INVS: variants seen among roughly 807,000 people sequenced by gnomAD.
INVS encodes inversion of embryo turning homolog.
Under a neutral mutation model 108.8 loss-of-function variants are expected in INVS, and 86 were observed. The observed-to-expected ratio is 0.79, with a 90% CI of 0.66 to 0.95. INVS has a LOEUF of 0.95. INVS is among the 40% of genes least tolerant of loss of function. The pLI is 0.00. For missense variants in INVS, 1,169 were observed against 1,297.4 expected (o/e 0.90, Z 1.52); for synonymous variants, 455 against 473.5 (o/e 0.96, Z 0.51).
chr9:100,135,859 GA>G (rs1828206607), intron 3 of INVS, among the ~76,000 whole-genome samples: 1 of 152,010 alleles, frequency 6.6e-6, no homozygotes, highest in Non-Finnish European at 1.5e-5. Context: ...TAGATGGGAA[GA>G]GGACTAGAAA....
rs983660739 is a variant in INVS, at chr9:100,149,653, A to T, written c.273+23104A>T. ...CCAATCAAAACGAGTTGAAATAAAAACCTGTCTGTCCTTTAACACTTTGAT... is the reference window on the plus strand; with the variant it reads ...CCAATCAAAACGAGTTGAAATAAAATCCTGTCTGTCCTTTAACACTTTGAT... On this transcript the variant is annotated intron_variant, in intron 3 of 16. Coordinates refer to ENST00000262457, the MANE Select transcript of INVS (RefSeq NM_014425.5). Among the ~76,000 whole-genome samples the T allele has an allele frequency of 4.6e-5, 7 of 152,340 alleles. No homozygotes were observed. In the East Asian group the frequency reaches 1.2e-3, roughly 25 times the overall value.
At chr9:100,186,300 C>G (rs1342292929) in intron 3 of INVS, among the ~76,000 whole-genome samples, 6 of 152,124 alleles carry the variant, frequency 3.9e-5, no homozygotes, top group Non-Finnish European at 7.4e-5. Context: ...CAGGCACCCA[C>G]CACCACGCCT....
At chr9:100,291,275 G>C (rs934145600) in intron 13 of INVS, among the ~76,000 whole-genome samples, 3 of 152,060 alleles carry the variant, frequency 2.0e-5, no homozygotes, top group Admixed American at 1.3e-4. Context: ...TGGTGGTCAG[G>C]CTGGTCTCAA....
intron 3 of INVS, among the ~76,000 whole-genome samples, chr9:100,180,545 C>T (rs1461825548): frequency 1.3e-5 from 2 of 152,108 alleles, no homozygotes; most frequent in South Asian, 2.1e-4. Context: ...TTGGTAAATT[C>T]CTGGACACAT....
intron 8 of INVS, among the ~76,000 whole-genome samples, chr9:100,251,609 C>T (rs575106735): frequency 6.6e-6 from 1 of 152,312 alleles, no homozygotes; most frequent in East Asian, 1.9e-4. Context: ...TTTCTCCAGA[C>T]TGGTCTAGAC....
chr9:100,265,999 A>G (rs1349949492), intron 11 of INVS, among the ~76,000 whole-genome samples: 2 of 152,202 alleles, frequency 1.3e-5, no homozygotes, highest in African/African-American at 4.8e-5. Context: ...GAATTGCTTG[A>G]ACCCAGGAGG....
intron 3 of INVS, among the ~76,000 whole-genome samples, chr9:100,196,952 GAGACC>G (rs1830394822): frequency 6.6e-6 from 1 of 151,926 alleles, no homozygotes; most frequent in Non-Finnish European, 1.5e-5. Flanking sequence ...CAAATATATG[GAGACC>G]TCTCCACCAG....
chr9:100,121,664 T>A (rs1827729276), intron 2 of INVS, among the ~76,000 whole-genome samples: 2 of 152,170 alleles, frequency 1.3e-5, no homozygotes, highest in African/African-American at 2.4e-5. Flanking sequence ...TTAGCTTCAT[T>A]GATTTTCTCT....
At chr9:100,181,329 G>A (rs139631660) in intron 3 of INVS, among the ~76,000 whole-genome samples, 2 of 152,244 alleles carry the variant, frequency 1.3e-5, no homozygotes, top group African/African-American at 4.8e-5. Context: ...AAGCCAAATT[G>A]TTTCTGTTTG....
intron 13 of INVS, among the ~76,000 whole-genome samples, chr9:100,291,208 C>T (rs770995456): frequency 1.3e-5 from 2 of 152,066 alleles, no homozygotes; most frequent in African/African-American, 2.4e-5. Context: ...GGACTACACG[C>T]GTGCGCCACC....
At chr9:100,235,753 T>G (rs1588111347) in intron 5 of INVS, among the ~76,000 whole-genome samples, 1 of 152,204 alleles carries the variant, frequency 6.6e-6, no homozygotes, top group South Asian at 2.1e-4. Flanking sequence ...GTCTGATGGG[T>G]TTCCCTTTAA....
In INVS at chr9:100,154,331, A is replaced by ATTTTTTTTTTTTTT. The variant is rs780090630; in HGVS notation, c.273+27797_273+27810dup. Among the ~76,000 whole-genome samples the ATTTTTTTTTTTTTT allele has an allele frequency of 1.2e-3, 81 of 68,566 alleles. 8 individuals are homozygous for ATTTTTTTTTTTTTT. Among genetic ancestry groups the ATTTTTTTTTTTTTT allele is most frequent in the African/African-American group, 4.5e-3 (58 of 12,988 alleles). The allele number at this position is 68,566 out of a possible 152,430, so 45.0% of individuals were successfully genotyped here. A position where few individuals can be genotyped will look rare whatever the true frequency, so the allele number is the denominator to read the frequency against. ...AGGTGTGTGCCACCACAACCGACTA[A>ATTTTTTTTTTTTTT]TTTTTTTTTTTTTTTTTTTTTTTTT... On this transcript the variant is annotated intron_variant, in intron 3 of 16. Coordinates refer to ENST00000262457, the MANE Select transcript of INVS (RefSeq NM_014425.5).
chr9:100,289,321 T>G (rs1413445259), intron 13 of INVS, among the ~76,000 whole-genome samples: 1 of 152,202 alleles, frequency 6.6e-6, no homozygotes, highest in Non-Finnish European at 1.5e-5. Context: ...TCACCAGCAG[T>G]CTCTTCATTG....
chr9:100,196,216 C>T (rs538377594), intron 3 of INVS, among the ~76,000 whole-genome samples: 5 of 152,126 alleles, frequency 3.3e-5, no homozygotes, highest in Non-Finnish European at 7.4e-5. Flanking sequence ...TTCTTACCTC[C>T]ATTTTAGTAT....
At chr9:100,264,740 T>C in intron 10 of INVS, 82 bp from the exon 11 acceptor site, 1 of 938,310 alleles carries the variant, frequency 1.1e-6, no homozygotes, top group Admixed American at 1.8e-5. Context: ...TGATTGCTTA[T>C]ATTAATTTTG....
Position 100,226,179 on chromosome 9 carries a change from G to A in INVS, c.391G>A (p.Ala131Thr). 1.2e-6 allele frequency: 2 copies of A among 1,614,020 alleles called. No homozygotes were observed. The highest frequency in any genetic ancestry group is 1.7e-6 in the Non-Finnish European group (2 of 1,179,982). Residue 131 changes from alanine to threonine, a missense_variant, in exon 4 of 17, where the codon GCA (alanine) becomes ACA (threonine). Ala to Thr is a moderately conservative substitution (Grantham distance 58). This residue lies in a region of INVS where 365 missense variants were observed against 397.5 expected (regional missense o/e 0.92). Coordinates refer to ENST00000262457, the MANE Select transcript of INVS (RefSeq NM_014425.5). Reference protein sequence around the residue: ...TTRHRSPKCLALLLKFMAPGE... With the variant: ...TTRHRSPKCLTLLLKFMAPGE... The stretch of plus-strand genomic sequence containing the variant: ...CCGGCACAGGAGCCCTAAGTGTTTG[G>A]CACTTCTGCTGAAGTTTATGGCACC...
chr9:100,204,000 T>C (rs1378854523), intron 3 of INVS, among the ~76,000 whole-genome samples: 1 of 152,146 alleles, frequency 6.6e-6, no homozygotes, highest in Non-Finnish European at 1.5e-5. Flanking sequence ...GCTTTTTTTT[T>C]CCAGCATAAA....
intron 14 of INVS, among the ~76,000 whole-genome samples, chr9:100,294,933 A>G (rs186121418): frequency 6.6e-6 from 1 of 152,338 alleles, no homozygotes; most frequent in African/African-American, 2.4e-5. Flanking sequence ...TACACAGATG[A>G]GGAAACTGAA....
intron 3 of INVS, among the ~76,000 whole-genome samples, chr9:100,220,681 G>A (rs1831120390): frequency 6.6e-6 from 1 of 152,146 alleles, no homozygotes; most frequent in East Asian, 1.9e-4. Flanking sequence ...TTTCTGTATA[G>A]CTCTAACAGG....
Sources: gnomAD v4.1 joint callset for allele counts (sites outside exome capture counted in the v4.1 genomes callset) on GRCh38, gnomAD v4.1.1 for gene constraint, gnomAD v4.1.1 regional missense constraint, MANE v1.5 for transcripts, NCBI Gene and HGNC (gene_info 2026-07-23, HGNC 2026-07-21) for gene names.